The following DENND4C variants were observed in gnomAD, a reference collection of about 807,000 sequenced individuals.
DENND4C encodes the protein DENN domain containing 4C.
A neutral mutation model predicts 203.0 loss-of-function variants in DENND4C; 108 were observed. That is an observed-to-expected ratio of 0.53 (90% CI 0.46 to 0.62). The LOEUF is 0.62. Among genes scored for constraint, DENND4C ranks in the 20% least tolerant of loss-of-function variants. The probability of loss-of-function intolerance (pLI) is 0.00; values close to 1 mark genes in which losing one functional copy is unlikely to be tolerated. For missense variants in DENND4C, 2,481 were observed against 2,301.2 expected (o/e 1.08, Z -1.60); for synonymous variants, 871 against 792.4 (o/e 1.10, Z -1.67).
At chr9:19,336,122 T>C in intron 18 of DENND4C, 148 bp from the exon 19 acceptor site, 3 of 610,424 alleles carry the variant, frequency 4.9e-6, no homozygotes, top group Admixed American at 7.7e-5. Flanking sequence ...TTAGTAATGT[T>C]TAGCATTTTT....
intron 1 of DENND4C, among the ~76,000 whole-genome samples, chr9:19,239,787 A>C (rs976492319): frequency 3.3e-5 from 5 of 152,090 alleles, no homozygotes; most frequent in Admixed American, 3.3e-4. Context: ...TGCCCAGCCA[A>C]TTTATATTCT....
Position 19,360,232 on chromosome 9 carries a change from A to G in DENND4C, c.5161-12A>G, listed in dbSNP as rs935033447. 2 of 1,606,800 alleles carry G rather than the reference A, an allele frequency of 1.2e-6. No individual in the cohort carries two copies. The highest frequency in any genetic ancestry group is 1.3e-5 in the African/African-American group (1 of 74,252). On this transcript the variant is annotated splice_polypyrimidine_tract_variant and intron_variant, in intron 28 of 32. Transcript: ENST00000434457. ...ACAGATAATATTAATTTCTTTTTGT[A>G]TTTTTTTTAAGGATCCTTTAGGAAA... is the stretch of plus-strand genomic sequence containing the variant.
At chr9:19,356,746 G>A (rs897058671) in intron 26 of DENND4C, among the ~76,000 whole-genome samples, 2 of 149,214 alleles carry the variant, frequency 1.3e-5, no homozygotes, top group Non-Finnish European at 3.0e-5. Flanking sequence ...GTTTAGGATA[G>A]GAGGGGAAGA....
chr9:19,280,716 A>T (rs1588831388), intron 2 of DENND4C, among the ~76,000 whole-genome samples: 1 of 151,938 alleles, frequency 6.6e-6, no homozygotes, highest in South Asian at 2.1e-4. Flanking sequence ...TTAATTAAAA[A>T]AATTGTTTTT....
At chr9:19,234,754 G>C (rs943816993) in intron 1 of DENND4C, among the ~76,000 whole-genome samples, 1 of 151,702 alleles carries the variant, frequency 6.6e-6, no homozygotes, top group South Asian at 2.1e-4. Context: ...TATTGCCCAG[G>C]CTGGTCTTGA....
Position 19,357,945 on chromosome 9 carries a change from C to G in DENND4C, c.4965-20C>G. 6.4e-7 allele frequency: 1 copy of G among 1,559,288 alleles called. No individual in the cohort carries two copies. Among genetic ancestry groups the G allele is most frequent in the Non-Finnish European group, 8.7e-7 (1 of 1,144,970 alleles). On this transcript the variant is annotated intron_variant, in intron 27 of 32. Coordinates refer to ENST00000434457, the MANE Select transcript of DENND4C (RefSeq NM_001330640.2). ...GTTTTTCAACATGAACATAGCATTT[C>G]TTCTATATTTATTTTTAAGTGATGA...
In DENND4C at chr9:19,279,085, C is replaced by G. The variant is rs186856764; in HGVS notation, c.305+2606C>G. ...TCCCAGCTAACCTGTAATCCCAGCA[C>G]TTTGGGAGGCCGAGGCAAGCGGATC... On this transcript the variant is annotated intron_variant, in intron 2 of 32. Coordinates refer to ENST00000434457, the MANE Select transcript of DENND4C (RefSeq NM_001330640.2). Among the ~76,000 whole-genome samples the G allele has an allele frequency of 3.0e-3, 248 of 82,336 alleles. 56 individuals carry two copies. Among genetic ancestry groups the G allele is most frequent in the African/African-American group, 0.011 (228 of 20,694 alleles). The allele number at this position is 82,336 out of a possible 152,430, so 54.0% of individuals were successfully genotyped here. A position where few individuals can be genotyped will look rare whatever the true frequency, so the allele number is the denominator to read the frequency against.
chr9:19,324,858 T>A (rs992560203), intron 13 of DENND4C, among the ~76,000 whole-genome samples: 2 of 152,196 alleles, frequency 1.3e-5, no homozygotes, highest in Non-Finnish European at 2.9e-5. Context: ...TAGCTGGGAC[T>A]ACAGGCATGT....
intron 1 of DENND4C, among the ~76,000 whole-genome samples, chr9:19,252,775 A>C (rs552943366): frequency 1.0e-3 from 154 of 151,408 alleles, no homozygotes; most frequent in Non-Finnish European, 1.1e-3. Flanking sequence ...TTCCTCTGTC[A>C]CTCAGGCTAG....
intron 17 of DENND4C, 48 bp downstream of exon 17, chr9:19,332,232 T>A: frequency 6.4e-7 from 1 of 1,562,352 alleles, no homozygotes; most frequent in Non-Finnish European, 8.8e-7. Context: ...TTTATTTTTG[T>A]ACTTCTAATA....
intron 28 of DENND4C, among the ~76,000 whole-genome samples, chr9:19,359,201 A>C (rs1344602129): frequency 6.6e-6 from 1 of 151,752 alleles, no homozygotes; most frequent in Non-Finnish European, 1.5e-5. Context: ...ATTTGGAGGA[A>C]TAGGGTATCA....
chr9:19,316,280 T>C (rs937515126), intron 10 of DENND4C, 137 bp from the exon 11 acceptor site: 3 of 628,910 alleles, frequency 4.8e-6, no homozygotes, highest in South Asian at 2.3e-5. Context: ...AATTCACTTA[T>C]TCAAATTGTT....
intron 1 of DENND4C, among the ~76,000 whole-genome samples, chr9:19,263,616 A>T (rs1829868405): frequency 6.7e-6 from 1 of 149,150 alleles, no homozygotes. Context: ...GGAATTTTGC[A>T]TCAATGTTCA....
At chr9:19,279,980 G>A (rs1833704413) in intron 2 of DENND4C, among the ~76,000 whole-genome samples, 1 of 151,664 alleles carries the variant, frequency 6.6e-6, no homozygotes, top group South Asian at 2.1e-4. Flanking sequence ...ATTGAAGGAA[G>A]AAATCAGTGG....
rs1047137179 is a variant in DENND4C at position 19,346,377 on chromosome 9, A to G, written c.3608A>G (p.Asp1203Gly). The G allele has an allele frequency of 6.2e-7, 1 of 1,614,042 alleles. No homozygotes were observed. Among genetic ancestry groups the G allele is most frequent in the Admixed American group, 1.7e-5 (1 of 59,992 alleles). ...GTACCTAAAACTACTGCAACAGTAGATACATATGAGAGTCTACTAAGTGAT... is the reference window on the plus strand; with the variant it reads ...GTACCTAAAACTACTGCAACAGTAGGTACATATGAGAGTCTACTAAGTGAT... ...DDVPKTTATV[D>G]TYESLLSDSN... The change falls in exon 23 of 33, where the codon GAT becomes GGT. Residue 1203 changes from aspartate to glycine, a missense_variant. Transcript: ENST00000434457.
At chr9:19,262,448 C>CTTTTTTTTTTTTTTTTTT (rs59268086) in intron 1 of DENND4C, among the ~76,000 whole-genome samples, 4 of 134,156 alleles carry the variant, frequency 3.0e-5, no homozygotes, top group Non-Finnish European at 3.2e-5. Flanking sequence ...TATATCATAT[C>CTTTTTTTTTTTTTTTTTT]TTTTTTTTTT....
chr9:19,241,403 G>T (rs1465916794), intron 1 of DENND4C, among the ~76,000 whole-genome samples: 1 of 151,700 alleles, frequency 6.6e-6, no homozygotes, highest in African/African-American at 2.4e-5. Flanking sequence ...TTTAGAGATA[G>T]AGTCTCGCTA....
At chr9:19,304,559 C>G (rs981849564) in intron 9 of DENND4C, among the ~76,000 whole-genome samples, 1 of 148,966 alleles carries the variant, frequency 6.7e-6, no homozygotes, top group African/African-American at 2.5e-5. Flanking sequence ...TTTTTTGAGA[C>G]CGAGTCTCAC....
Position 19,275,113 on chromosome 9 carries a change from G to A in DENND4C, c.-17-1045G>A, listed in dbSNP as rs532492284. Among the ~76,000 whole-genome samples the A allele has an allele frequency of 9.9e-5, 15 of 151,934 alleles. No homozygotes were observed. The East Asian group carries it at 2.5e-3, about 26-fold the overall frequency. On this transcript the variant is annotated intron_variant, in intron 1 of 32. Transcript: ENST00000434457. ...CTGCCTCAGCCTCCCGAGTAGCTGGGATTACAGGTGCCCACCACCACACCT... is the reference window on the plus strand; with the variant it reads ...CTGCCTCAGCCTCCCGAGTAGCTGGAATTACAGGTGCCCACCACCACACCT...
Sources: gnomAD v4.1 joint callset for allele counts (sites outside exome capture counted in the v4.1 genomes callset) on GRCh38, gnomAD v4.1.1 for gene constraint, MANE v1.5 for transcripts, NCBI Gene and HGNC (gene_info 2026-07-23, HGNC 2026-07-21) for gene names.